Variants in TBC1D5 observed in about 807,000 individuals in gnomAD.
The protein encoded by TBC1D5 is TBC1 domain family member 5.
Under a neutral mutation model 100.3 loss-of-function variants are expected in TBC1D5, and 75 were observed. The ratio of observed to expected loss-of-function variants is 0.75; its 90% CI spans 0.62 to 0.91. The LOEUF is 0.91. Ranked by LOEUF, TBC1D5 falls within the 40% of genes least tolerant of loss-of-function variation. The pLI is 0.00. For synonymous variants in TBC1D5, 323 were observed against 325.6 expected, an observed-to-expected ratio of 0.99 and a Z score of 0.09; for missense variants, 910 against 942.4, an observed-to-expected ratio of 0.97 and a Z score of 0.45.
intron 1 of TBC1D5, among the ~76,000 whole-genome samples, chr3:17,676,773 A>G (rs2153800053): frequency 6.6e-6 from 1 of 152,358 alleles, no homozygotes; most frequent in Non-Finnish European, 1.5e-5. Flanking sequence ...TACAATAACC[A>G]AAACAGCATG....
At chr3:17,325,884 A>AT (rs2086060422) in intron 13 of TBC1D5, among the ~76,000 whole-genome samples, 2 of 151,894 alleles carry the variant, frequency 1.3e-5, no homozygotes, top group African/African-American at 4.8e-5. Context: ...ACTTAAAAAA[A>AT]ATGACCTATA....
chr3:17,461,950 C>A (rs979762656), intron 3 of TBC1D5, among the ~76,000 whole-genome samples: 10 of 152,146 alleles, frequency 6.6e-5, no homozygotes, highest in South Asian at 4.1e-4. Flanking sequence ...TTATCATTTT[C>A]TCTCTCCAAT....
intron 1 of TBC1D5, among the ~76,000 whole-genome samples, chr3:17,708,234 G>C (rs1309416300): frequency 6.6e-6 from 1 of 152,132 alleles, no homozygotes; most frequent in African/African-American, 2.4e-5. Context: ...CATACTGAAA[G>C]TACTTGCTTC....
In TBC1D5 at chr3:17,583,102, T is replaced by C. The variant is rs557484775; in HGVS notation, c.-36+40747A>G. Among the ~76,000 whole-genome samples the C allele has an allele frequency of 1.5e-3, 227 of 152,072 alleles. 1 individual carries two copies. The highest frequency in any genetic ancestry group is 2.2e-3 in the Admixed American group (34 of 15,272). On this transcript the variant is annotated intron_variant, in intron 2 of 21. Transcript: ENST00000253692. ...GAGTTCAAGACCAGCCTGGGCAACA[T>C]GGCAAAACCCTGTCTCTACAAAAAA...
At chr3:17,529,346 G>T (rs2096185084) in intron 2 of TBC1D5, among the ~76,000 whole-genome samples, 1 of 152,074 alleles carries the variant, frequency 6.6e-6, no homozygotes, top group Non-Finnish European at 1.5e-5. Flanking sequence ...GTCCCGATTT[G>T]CCTGGGGAAT....
chr3:17,372,740 A>G (rs144768790), intron 12 of TBC1D5, among the ~76,000 whole-genome samples: 3,520 of 152,344 alleles, frequency 0.023, 60 homozygotes, highest in Non-Finnish European at 0.035. Flanking sequence ...ATGTTCATAT[A>G]AGTCTATGAC....
chr3:17,610,875 G>C (rs556450502), intron 2 of TBC1D5, among the ~76,000 whole-genome samples: 1 of 152,110 alleles, frequency 6.6e-6, no homozygotes, highest in South Asian at 2.1e-4. Context: ...AAATTAGCTG[G>C]GCAAGCTGCG....
chr3:17,567,201 C>A (rs549504510), intron 2 of TBC1D5, among the ~76,000 whole-genome samples: 2 of 151,812 alleles, frequency 1.3e-5, no homozygotes, highest in South Asian at 4.1e-4. Context: ...TCATCTCAGA[C>A]TTTTTATGCT....
intron 13 of TBC1D5, among the ~76,000 whole-genome samples, chr3:17,324,883 C>T (rs1020839537): frequency 7.9e-5 from 12 of 151,984 alleles, no homozygotes; most frequent in Non-Finnish European, 1.2e-4. Context: ...ATGCAAAAAA[C>T]GGCAATGAGA....
At chr3:17,176,558 C>A (rs1456951389) in intron 19 of TBC1D5, among the ~76,000 whole-genome samples, 1 of 152,026 alleles carries the variant, frequency 6.6e-6, no homozygotes, top group African/African-American at 2.4e-5. Flanking sequence ...GAACAGAAAA[C>A]CAAACACTGC....
intron 2 of TBC1D5, among the ~76,000 whole-genome samples, chr3:17,552,197 A>T (rs953922785): frequency 6.6e-6 from 1 of 152,124 alleles, no homozygotes; most frequent in East Asian, 1.9e-4. Flanking sequence ...AGAGAGAAAA[A>T]AAAAAAGGTA....
At chr3:17,612,329 A>G (rs1317773516) in intron 2 of TBC1D5, among the ~76,000 whole-genome samples, 8 of 151,346 alleles carry the variant, frequency 5.3e-5, no homozygotes, top group African/African-American at 1.9e-4. Context: ...ATTGAAAAGA[A>G]GAAATAAAAT....
Position 17,732,860 on chromosome 3 carries a change from A to T in TBC1D5, c.-101+6483T>A, listed in dbSNP as rs1031635928. 2.5e-4 allele frequency among the ~76,000 whole-genome samples: 38 copies of T among 152,250 alleles called. 1 individual carries two copies. The highest frequency in any genetic ancestry group is 9.1e-4 in the African/African-American group (38 of 41,558). On this transcript the variant is annotated intron_variant, in intron 1 of 21. Transcript: ENST00000253692. ...TCATGTTATAAGGACACTCAACTTTAATCAATACTTTGCCACACCCTTTGC... is the reference window on the plus strand; with the variant it reads ...TCATGTTATAAGGACACTCAACTTTTATCAATACTTTGCCACACCCTTTGC...
intron 1 of TBC1D5, among the ~76,000 whole-genome samples, chr3:17,674,781 T>G (rs6763098): frequency 0.99 from 151,445 of 152,238 alleles, 75,333 homozygotes; most frequent in East Asian, 1. Flanking sequence ...AGATGGAAGT[T>G]GGGGAGATGA....
At chr3:17,467,164 G>A (rs139021955) in intron 3 of TBC1D5, among the ~76,000 whole-genome samples, 1 of 151,770 alleles carries the variant, frequency 6.6e-6, no homozygotes, top group East Asian at 1.9e-4. Flanking sequence ...CACTAAACAT[G>A]TTCTGTTGCT....
At chr3:17,508,580 T>G in exon 3 of TBC1D5, 1 of 1,606,564 alleles carries the variant, frequency 6.2e-7, no homozygotes, top group Non-Finnish European at 8.5e-7. Context: ...TTGTGGGAAC[T>G]GGACAGCGTC....
rs758360606 is a variant in TBC1D5 at position 17,391,968 on chromosome 3, G to C, written c.510-7953C>G. Among the ~76,000 whole-genome samples, 108 of 152,042 alleles carry C rather than the reference G, an allele frequency of 7.1e-4. 1 individual carries two copies. The highest frequency in any genetic ancestry group is 1.2e-3 in the Admixed American group (19 of 15,242). On this transcript the variant is annotated intron_variant, in intron 8 of 21. Transcript: ENST00000253692. ...AAAGGAATAACTGGTAAACATAAAG[G>C]TGCTAGAACTTTCTTGGTTTGAAAA...
chr3:17,322,257 A>G (rs1334785487), intron 13 of TBC1D5, among the ~76,000 whole-genome samples: 2 of 152,218 alleles, frequency 1.3e-5, no homozygotes, highest in African/African-American at 4.8e-5. Context: ...TTTTCCTGCT[A>G]TGCCTCTGCA....
chr3:17,173,727 T>C (rs2067397724), intron 19 of TBC1D5, among the ~76,000 whole-genome samples: 1 of 152,194 alleles, frequency 6.6e-6, no homozygotes, highest in South Asian at 2.1e-4. Flanking sequence ...CTGATAGGAA[T>C]TTAGATACCC....
Sources: gnomAD v4.1 joint callset for allele counts (sites outside exome capture counted in the v4.1 genomes callset) on GRCh38, gnomAD v4.1.1 for gene constraint, MANE v1.5 for transcripts, NCBI Gene and HGNC (gene_info 2026-07-23, HGNC 2026-07-21) for gene names.